NRP1: variants seen among roughly 807,000 people sequenced by gnomAD.
NRP1 encodes neuropilin-1.
Under a neutral mutation model 106.7 loss-of-function variants are expected in NRP1, and 35 were observed. The ratio of observed to expected loss-of-function variants is 0.33; its 90% CI spans 0.25 to 0.43. The LOEUF is 0.43. Ranked by LOEUF, NRP1 falls within the 20% of genes least tolerant of loss-of-function variation. NRP1 has a pLI of 1.00. For synonymous variants in NRP1, 437 were observed against 417.9 expected, an observed-to-expected ratio of 1.05 and a Z score of -0.56; for missense variants, 1,024 against 1,170.4, an observed-to-expected ratio of 0.87 and a Z score of 1.83.
At chr10:33,228,203 A>G (rs2132958598) in intron 6 of NRP1, among the ~76,000 whole-genome samples, 1 of 152,226 alleles carries the variant, frequency 6.6e-6, no homozygotes, top group African/African-American at 2.4e-5. Context: ...ATAGTTACAC[A>G]TTACAACTAC....
chr10:33,191,968 A>G lies in NRP1; in HGVS notation c.2062+313T>C, dbSNP rs1387722320. On this transcript the variant is annotated intron_variant, in intron 13 of 16. Transcript: ENST00000374867. ...ATTCCAGCCCGGGCAACAGTGTGAGACTCCATTTCAAAAAAAAAAAAAAAA... is the reference window on the plus strand; with the variant it reads ...ATTCCAGCCCGGGCAACAGTGTGAGGCTCCATTTCAAAAAAAAAAAAAAAA... 6.4e-5 allele frequency among the ~76,000 whole-genome samples: 8 copies of G among 124,770 alleles called. No homozygotes were observed. In the South Asian group the frequency reaches 8.1e-4, roughly 13 times the overall value. The allele number at this position is 124,770 out of a possible 152,430, so 81.9% of individuals were successfully genotyped here. A position where few individuals can be genotyped will look rare whatever the true frequency, so the allele number is the denominator to read the frequency against.
chr10:33,267,495 A>T (rs1453114269), intron 3 of NRP1, among the ~76,000 whole-genome samples: 1 of 152,156 alleles, frequency 6.6e-6, no homozygotes, highest in African/African-American at 2.4e-5. Flanking sequence ...AACAGTCAAG[A>T]TACTCTCTTT....
chr10:33,264,899 AG>A (rs1842820874), intron 3 of NRP1, among the ~76,000 whole-genome samples: 1 of 152,152 alleles, frequency 6.6e-6, no homozygotes, highest in African/African-American at 2.4e-5. Flanking sequence ...ACCTGAGGTC[AG>A]GAGTTCGAGA....
chr10:33,206,272 G>C (rs1374577387), intron 10 of NRP1: 2 of 519,016 alleles, frequency 3.9e-6, no homozygotes, highest in Non-Finnish European at 7.7e-6. Context: ...GCAGTGAGTG[G>C]AGTCTGCCCA....
At chr10:33,291,055 G>A (rs889318855) in intron 2 of NRP1, among the ~76,000 whole-genome samples, 3 of 152,146 alleles carry the variant, frequency 2.0e-5, no homozygotes, top group African/African-American at 7.2e-5. Flanking sequence ...ACTTTTAGGA[G>A]GGGAAAAATC....
intron 2 of NRP1, among the ~76,000 whole-genome samples, chr10:33,282,673 T>C (rs888038181): frequency 6.6e-6 from 1 of 152,026 alleles, no homozygotes; most frequent in Non-Finnish European, 1.5e-5. Flanking sequence ...TGAAGAAAAA[T>C]GGGTCTACTG....
chr10:33,180,345 C>T lies in NRP1; in HGVS notation c.2503G>A (p.Gly835Ser), dbSNP rs1835605457. The change falls in exon 17 of 17, where the codon GGT (glycine) becomes AGT (serine). Residue 835 changes from glycine to serine, a missense_variant. Transcript: ENST00000374867. ...DETGSTPGYE[G>S]EGEGDKNISR... ...ATGTTCTTGTCACCTTCTCCTTCACCTTCGTATCCTGGCGTGCTCCCTATG... is the reference window on the plus strand; with the variant it reads ...ATGTTCTTGTCACCTTCTCCTTCACTTTCGTATCCTGGCGTGCTCCCTATG... 1.2e-6 allele frequency: 2 copies of T among 1,601,776 alleles called. No individual in the cohort carries two copies. Among genetic ancestry groups the T allele is most frequent in the Non-Finnish European group, 1.7e-6 (2 of 1,170,564 alleles).
chr10:33,186,240 G>C lies in NRP1; in HGVS notation c.2311C>G (p.His771Asp). ...DHWKEGRVLL[H>D]KSLKLYQVIF... is the part of the protein sequence containing the mutation. Reference sequence around the variant, plus strand: ...ACCTGATAAAGTTTCAGAGACTTGTGGAGCAAGACACGCCCTTCCTTCCAG... The same window carrying C: ...ACCTGATAAAGTTTCAGAGACTTGTCGAGCAAGACACGCCCTTCCTTCCAG... Residue 771 changes from histidine (H) to aspartate (D), a missense_variant, in exon 14 of 17, where the codon CAC becomes GAC. Around this residue, in one of 5 missense-constraint regions of NRP1, gnomAD observed 13 missense variants for 34.7 expected, o/e 0.38. Coordinates refer to ENST00000374867, the MANE Select transcript of NRP1 (RefSeq NM_003873.7). 6.2e-7 allele frequency: 1 copy of C among 1,608,604 alleles called. No homozygotes were observed. The highest frequency in any genetic ancestry group is 1.1e-5 in the South Asian group (1 of 90,554).
intron 13 of NRP1, among the ~76,000 whole-genome samples, chr10:33,189,838 G>A (rs542931672): frequency 2.9e-4 from 44 of 152,274 alleles, no homozygotes; most frequent in African/African-American, 9.6e-4. Flanking sequence ...GTCTATGCGC[G>A]GGAGCTTCGT....
At chr10:33,228,700 T>A (rs1250533955) in intron 6 of NRP1, among the ~76,000 whole-genome samples, 1 of 152,176 alleles carries the variant, frequency 6.6e-6, no homozygotes, top group Non-Finnish European at 1.5e-5. Flanking sequence ...AGTGGTAGAT[T>A]TCATCTGGAA....
intron 8 of NRP1, among the ~76,000 whole-genome samples, chr10:33,220,714 T>C (rs893807148): frequency 2.0e-5 from 3 of 151,760 alleles, no homozygotes; most frequent in African/African-American, 7.3e-5. Flanking sequence ...CTGGCCAACA[T>C]GGTGAAAACC....
intron 2 of NRP1, among the ~76,000 whole-genome samples, chr10:33,320,228 G>A (rs986215048): frequency 2.6e-5 from 4 of 151,798 alleles, no homozygotes; most frequent in African/African-American, 9.7e-5. Context: ...CAGGAAAATC[G>A]CTGGAACCCA....
In NRP1 at chr10:33,221,719, C is replaced by T. The variant is rs1839252872; in HGVS notation, c.1282G>A (p.Asp428Asn). 1 of 1,612,986 alleles carries T rather than the reference C, an allele frequency of 6.2e-7. No individual in the cohort carries two copies. Among genetic ancestry groups the T allele is most frequent in the Non-Finnish European group, 8.5e-7 (1 of 1,179,130 alleles). The change falls in exon 8 of 17, where the codon GAT becomes AAT. Residue 428 changes from aspartate (D) to asparagine (N), a missense_variant and splice_region_variant. By Grantham distance (23) the Asp-to-Asn change is conservative (BLOSUM62 1). This residue lies in a region of NRP1 where 562 missense variants were observed against 620.3 expected (regional missense o/e 0.91). Coordinates refer to ENST00000374867, the MANE Select transcript of NRP1 (RefSeq NM_003873.7). ...CAGTCTTCAATCTTCCACAGCTTAC[C>T]TGTTATCTTGCAACCGTATACTTCA... ...RFEVYGCKIT[D>N]YPCSGMLGMV...
chr10:33,316,479 T>C (rs1431698102), intron 2 of NRP1, among the ~76,000 whole-genome samples: 1 of 152,182 alleles, frequency 6.6e-6, no homozygotes, highest in African/African-American at 2.4e-5. Flanking sequence ...CCAGAAAGAA[T>C]TTGTAAGTTT....
chr10:33,246,130 CTTTT>C (rs59011940), intron 6 of NRP1, among the ~76,000 whole-genome samples: 1 of 141,432 alleles, frequency 7.1e-6, no homozygotes, highest in Non-Finnish European at 1.5e-5. Flanking sequence ...TAATTTCTTT[CTTTT>C]TTTTTTTTTG....
chr10:33,293,547 C>T (rs1374835849), intron 2 of NRP1, among the ~76,000 whole-genome samples: 5 of 152,266 alleles, frequency 3.3e-5, no homozygotes, highest in South Asian at 2.1e-4. Context: ...CAGAGCCCCC[C>T]GTAAGTTATG....
In NRP1 at chr10:33,186,328, G is replaced by A. The variant is rs1440864625; in HGVS notation, c.2223C>T (p.Arg741=). 2 of 1,614,178 alleles carry A rather than the reference G, an allele frequency of 1.2e-6. No individual in the cohort carries two copies. The highest frequency in any genetic ancestry group is 1.7e-6 in the Non-Finnish European group (2 of 1,180,028). Residue 741 remains arginine, a synonymous_variant, in exon 14 of 17, where the codon CGC becomes CGT. Coordinates refer to ENST00000374867, the MANE Select transcript of NRP1 (RefSeq NM_003873.7). ...SHVGTLRVKL[R]YQKPEEYDQL... is the part of the protein sequence containing the mutation. ...GATCGTACTCCTCTGGCTTCTGGTAGCGCAGTTTGACCCTGAGTGTGCCGA... is the reference window on the plus strand; with the variant it reads ...GATCGTACTCCTCTGGCTTCTGGTAACGCAGTTTGACCCTGAGTGTGCCGA...
intron 10 of NRP1, among the ~76,000 whole-genome samples, chr10:33,205,086 C>T (rs1481072561): frequency 2.0e-5 from 3 of 152,188 alleles, no homozygotes; most frequent in African/African-American, 4.8e-5. Context: ...ACAGACACTC[C>T]TGGGAGGCTG....
In NRP1 at chr10:33,334,395, G is replaced by T; in HGVS notation, c.-13C>A. ...GCCCCCTCTCCATTCTCCCTTCTCC[G>T]GGTCCGCAGGCAGACGCGGGAGAAC... is the stretch of plus-strand genomic sequence containing the variant. On this transcript the variant is annotated 5_prime_UTR_variant, in exon 1 of 17. Coordinates refer to ENST00000374867, the MANE Select transcript of NRP1 (RefSeq NM_003873.7). 1 of 1,543,476 alleles carries T rather than the reference G, an allele frequency of 6.5e-7. No homozygotes were observed.
Sources: allele counts gnomAD v4.1 joint callset (sites outside exome capture counted in the v4.1 genomes callset), GRCh38; gene constraint gnomAD v4.1.1; regional missense constraint gnomAD v4.1.1; transcripts MANE v1.5; gene names NCBI Gene and HGNC (gene_info 2026-07-23, HGNC 2026-07-21).